CEP112: variants seen among roughly 807,000 people sequenced by gnomAD.
CEP112 encodes centrosomal protein of 112 kDa.
A neutral mutation model predicts 153.0 loss-of-function variants in CEP112; 127 were observed. The ratio of observed to expected loss-of-function variants is 0.83; its 90% CI spans 0.72 to 0.96. The LOEUF is 0.96. CEP112 is among the 40% of genes least tolerant of loss of function. The pLI is 0.00. For synonymous variants in CEP112, 358 were observed against 374.4 expected, an observed-to-expected ratio of 0.96 and a Z score of 0.51; for missense variants, 1,089 against 1,101.2, an observed-to-expected ratio of 0.99 and a Z score of 0.16.
intron 24 of CEP112, among the ~76,000 whole-genome samples, chr17:65,653,556 G>A (rs2045896448): frequency 6.6e-6 from 1 of 152,148 alleles, no homozygotes; most frequent in Non-Finnish European, 1.5e-5. Context: ...GCCATCTGGT[G>A]TAAGAAGAGT....
intron 7 of CEP112, 78 bp from the exon 8 acceptor site, chr17:66,096,406 C>T (rs1348017834): frequency 7.2e-7 from 1 of 1,391,146 alleles, no homozygotes; most frequent in East Asian, 2.3e-5. Context: ...TTCTAAATTG[C>T]CTGAGGCCCG....
rs776869118 is a variant in CEP112 at position 66,074,698 on chromosome 17, A to C, written c.769-4697T>G. ...GCCAACATGGTGAAACCCCGTCTCT[A>C]CTAAAAATACAAAAATTAGCTGGGC... On this transcript the variant is annotated intron_variant, in intron 8 of 26. Transcript: ENST00000535342. Among the ~76,000 whole-genome samples, 28 of 152,020 alleles carry C rather than the reference A, an allele frequency of 1.8e-4. 1 individual carries two copies. Among genetic ancestry groups the C allele is most frequent in the Non-Finnish European group, 1.8e-4 (12 of 67,992 alleles).
At chr17:65,861,787 T>C (rs529777308) in intron 20 of CEP112, among the ~76,000 whole-genome samples, 10 of 152,232 alleles carry the variant, frequency 6.6e-5, no homozygotes, top group Admixed American at 5.9e-4. Flanking sequence ...TTACACATTA[T>C]TGATTTGGGT....
chr17:65,860,290 T>C (rs1328882772), intron 20 of CEP112, among the ~76,000 whole-genome samples: 1 of 152,022 alleles, frequency 6.6e-6, no homozygotes, highest in Non-Finnish European at 1.5e-5. Flanking sequence ...TTGAAAGACA[T>C]AAAAGGAAGA....
intron 21 of CEP112, among the ~76,000 whole-genome samples, chr17:65,811,666 T>C (rs1266608093): frequency 4.6e-5 from 7 of 152,244 alleles, no homozygotes; most frequent in Admixed American, 3.9e-4. Context: ...CTTCCTGTGC[T>C]AGTTTTATCA....
chr17:66,034,712 GAT>G (rs1391344232), intron 12 of CEP112, among the ~76,000 whole-genome samples: 1 of 151,956 alleles, frequency 6.6e-6, no homozygotes, highest in African/African-American at 2.4e-5. Context: ...GAAGAAAAAT[GAT>G]AGACATTGAA....
chr17:65,750,870 G>A (rs1266932181), intron 21 of CEP112, 146 bp from the exon 22 acceptor site: 2 of 557,670 alleles, frequency 3.6e-6, no homozygotes, highest in Non-Finnish European at 6.4e-6. Context: ...TGTCTTTGAT[G>A]TTACGCCAAC....
chr17:65,651,678 CTTCCTTCT>C (rs1364846292), intron 24 of CEP112, among the ~76,000 whole-genome samples: 1 of 145,370 alleles, frequency 6.9e-6, no homozygotes, highest in African/African-American at 2.6e-5. Context: ...TCCTTCCTTC[CTTCCTTCT>C]TTCCTTCCTT....
At chr17:65,959,897 C>T (rs1309771493) in intron 18 of CEP112, among the ~76,000 whole-genome samples, 1 of 152,178 alleles carries the variant, frequency 6.6e-6, no homozygotes, top group Non-Finnish European at 1.5e-5. Context: ...GAGCCAAGAG[C>T]AGCGTATCAG....
chr17:65,937,259 G>C (rs573743016), intron 18 of CEP112, among the ~76,000 whole-genome samples: 5 of 94,416 alleles, frequency 5.3e-5, no homozygotes, highest in Admixed American at 1.5e-4. Flanking sequence ...AGTGAGGAGC[G>C]TCTCTGCCTG....
At chr17:65,650,725 T>C (rs2045707061) in intron 24 of CEP112, among the ~76,000 whole-genome samples, 1 of 97,214 alleles carries the variant, frequency 1.0e-5, no homozygotes. Flanking sequence ...GTGAAAACTC[T>C]CTACTAAAAA....
At chr17:66,099,156 A>G (rs2068460968) in intron 6 of CEP112, among the ~76,000 whole-genome samples, 1 of 152,214 alleles carries the variant, frequency 6.6e-6, no homozygotes, top group African/African-American at 2.4e-5. Context: ...GAGATAAAAA[A>G]GCAGCTGAAG....
At chr17:66,074,010 T>C (rs765736825) in intron 8 of CEP112, among the ~76,000 whole-genome samples, 2 of 152,118 alleles carry the variant, frequency 1.3e-5, no homozygotes, top group Non-Finnish European at 2.9e-5. Flanking sequence ...AAGATGACTC[T>C]ACTTCAGCAC....
At chr17:65,679,341 T>A (rs232102) in intron 24 of CEP112, among the ~76,000 whole-genome samples, 71,459 of 151,386 alleles carry the variant, frequency 0.47, 17,162 homozygotes, top group Middle Eastern at 0.55. Context: ...AATTTTGTAA[T>A]TAAACTGTGG....
At chr17:65,827,746 C>T (rs1038739338) in intron 21 of CEP112, among the ~76,000 whole-genome samples, 2 of 152,210 alleles carry the variant, frequency 1.3e-5, no homozygotes, top group Non-Finnish European at 2.9e-5. Context: ...ACTATGTTCT[C>T]GTCACACTGG....
At chr17:66,152,693 T>C (rs1243530425) in intron 4 of CEP112, among the ~76,000 whole-genome samples, 3 of 152,118 alleles carry the variant, frequency 2.0e-5, no homozygotes, top group Admixed American at 2.0e-4. Flanking sequence ...GCCTGACAGA[T>C]CCTCTCAATC....
At chr17:65,810,287 T>G (rs1351764175) in intron 21 of CEP112, among the ~76,000 whole-genome samples, 1 of 152,058 alleles carries the variant, frequency 6.6e-6, no homozygotes, top group Non-Finnish European at 1.5e-5. Context: ...CCCTCCCTAT[T>G]GCATCTCCCC....
At chr17:65,774,011 C>T (rs575293885) in intron 21 of CEP112, among the ~76,000 whole-genome samples, 2 of 149,652 alleles carry the variant, frequency 1.3e-5, no homozygotes, top group African/African-American at 5.0e-5. Flanking sequence ...CACTTGAATC[C>T]GGGAGGTGGA....
intron 4 of CEP112, among the ~76,000 whole-genome samples, chr17:66,150,052 C>T (rs1205354498): frequency 6.7e-6 from 1 of 148,416 alleles, no homozygotes; most frequent in Admixed American, 6.7e-5. Flanking sequence ...TGCTATCATG[C>T]CCAGCTAATT....
Sources: allele counts gnomAD v4.1 joint callset (sites outside exome capture counted in the v4.1 genomes callset), GRCh38; gene constraint gnomAD v4.1.1; transcripts MANE v1.5; gene names NCBI Gene and HGNC (gene_info 2026-07-23, HGNC 2026-07-21).